Variants in SHANK2 observed in about 807,000 individuals in gnomAD.
The protein encoded by SHANK2 is SH3 and multiple ankyrin repeat domains protein 2.
Under a neutral mutation model 133.7 loss-of-function variants are expected in SHANK2, and 43 were observed. The observed-to-expected ratio is 0.32, with a 90% CI of 0.25 to 0.41. The LOEUF is 0.41. SHANK2 is among the 10% of genes least tolerant of loss of function. The pLI, the probability that SHANK2 is intolerant of heterozygous loss-of-function variation, is 1.00. For missense variants in SHANK2, 1,994 were observed against 2,235.8 expected (o/e 0.89, Z 2.18); for synonymous variants, 1,017 against 952.8 (o/e 1.07, Z -1.24).
chr11:71,101,936 G>C (rs1415382165), intron 6 of SHANK2, among the ~76,000 whole-genome samples: 1 of 152,202 alleles, frequency 6.6e-6, no homozygotes, highest in African/African-American at 2.4e-5. Flanking sequence ...TTCAGTAACT[G>C]AATCTCATCA....
chr11:70,910,434 G>C (rs1950174528), intron 10 of SHANK2, among the ~76,000 whole-genome samples: 1 of 152,166 alleles, frequency 6.6e-6, no homozygotes, highest in South Asian at 2.1e-4. Flanking sequence ...TGTCACAGAT[G>C]GACACACAGG....
chr11:70,795,316 C>T (rs1050439230), intron 14 of SHANK2, among the ~76,000 whole-genome samples: 12 of 152,042 alleles, frequency 7.9e-5, no homozygotes, highest in Admixed American at 1.3e-4. Context: ...AGAATTAAGG[C>T]GGCCCATCAG....
chr11:71,245,564 C>T (rs541941809), intron 1 of SHANK2, among the ~76,000 whole-genome samples: 36 of 152,194 alleles, frequency 2.4e-4, no homozygotes, highest in Non-Finnish European at 4.4e-4. Context: ...AACTGGTGTG[C>T]CACCCAGGAG....
At chr11:70,691,718 C>A (rs7926849) in intron 15 of SHANK2, among the ~76,000 whole-genome samples, 1 of 151,894 alleles carries the variant, frequency 6.6e-6, no homozygotes, top group Non-Finnish European at 1.5e-5. Context: ...ATGGTGAAAC[C>A]CCGTCTCTAC....
chr11:71,185,006 T>C (rs1250910568), intron 2 of SHANK2, among the ~76,000 whole-genome samples: 5 of 152,200 alleles, frequency 3.3e-5, no homozygotes, highest in Non-Finnish European at 7.3e-5. Context: ...TGCCCACAGC[T>C]GTCCCGTCTG....
intron 2 of SHANK2, among the ~76,000 whole-genome samples, chr11:71,194,883 C>T (rs1430424590): frequency 6.6e-6 from 1 of 152,158 alleles, no homozygotes; most frequent in African/African-American, 2.4e-5. Context: ...TGGGTCCCAG[C>T]GCTACATCCA....
chr11:70,509,458 C>G (rs1202046449), intron 17 of SHANK2, among the ~76,000 whole-genome samples: 1 of 152,210 alleles, frequency 6.6e-6, no homozygotes, highest in Non-Finnish European at 1.5e-5. Flanking sequence ...GGGCTCCCAG[C>G]ATGGAGCTCT....
chr11:70,778,091 T>G (rs1340471569), intron 14 of SHANK2, among the ~76,000 whole-genome samples: 1 of 152,176 alleles, frequency 6.6e-6, no homozygotes, highest in Admixed American at 6.5e-5. Flanking sequence ...TTACTGTCAA[T>G]GCCAACAGAG....
intron 11 of SHANK2, among the ~76,000 whole-genome samples, chr11:70,837,034 C>T (rs1226236967): frequency 1.3e-5 from 2 of 152,178 alleles, no homozygotes; most frequent in African/African-American, 4.8e-5. Context: ...CGTCTGCAAG[C>T]CAGGAAGGGA....
intron 3 of SHANK2, among the ~76,000 whole-genome samples, chr11:71,123,297 G>C (rs1952113397): frequency 6.6e-6 from 1 of 152,166 alleles, no homozygotes; most frequent in Non-Finnish European, 1.5e-5. Context: ...ACCAGCCTGA[G>C]GTCACCATTT....
Position 70,522,664 on chromosome 11 carries a change from G to A in SHANK2, c.2062-19733C>T, listed in dbSNP as rs782450789. Among the ~76,000 whole-genome samples, 5 of 151,938 alleles carry A rather than the reference G, an allele frequency of 3.3e-5. No homozygotes were observed. In the South Asian group the frequency reaches 8.3e-4, roughly 25 times the overall value. ...CCGGCTCCAGCTCCGCGGGCTGGCC[G>A]GCCACCTGCTCACACTGTCTAAGCT... On this transcript the variant is annotated intron_variant, in intron 17 of 25. Transcript: ENST00000601538.
chr11:70,862,280 C>G (rs1949271726), intron 11 of SHANK2, among the ~76,000 whole-genome samples: 1 of 152,198 alleles, frequency 6.6e-6, no homozygotes, highest in Non-Finnish European at 1.5e-5. Flanking sequence ...GTGTGTGACA[C>G]AATCTGATTT....
At chr11:70,574,107 C>A (rs2060085609) in intron 17 of SHANK2, among the ~76,000 whole-genome samples, 1 of 152,280 alleles carries the variant, frequency 6.6e-6, no homozygotes, top group African/African-American at 2.4e-5. Flanking sequence ...GAGAACTCGG[C>A]CAGTTCCTCT....
rs75905583 is a variant in SHANK2 at position 70,784,011 on chromosome 11, G to A, written c.1777+14432C>T. ...TGTGAGACACAGGGCAGGGGCCACT[G>A]GGGACAGGCTGGAAGTGGGAACAAG... On this transcript the variant is annotated intron_variant, in intron 14 of 25. Transcript: ENST00000601538. 7.8e-3 allele frequency among the ~76,000 whole-genome samples: 1,184 copies of A among 152,280 alleles called. 38 individuals are homozygous for A. The highest frequency in any genetic ancestry group is 0.051 in the East Asian group (264 of 5,156).
At chr11:70,741,577 C>T (rs923822128) in intron 14 of SHANK2, among the ~76,000 whole-genome samples, 32 of 152,222 alleles carry the variant, frequency 2.1e-4, no homozygotes, top group Admixed American at 9.2e-4. Context: ...ACTGCCTACT[C>T]ATTGTTCCCA....
chr11:70,777,519 T>TCCATCCATC (rs1947392433), intron 14 of SHANK2, among the ~76,000 whole-genome samples: 1 of 151,114 alleles, frequency 6.6e-6, no homozygotes, highest in Non-Finnish European at 1.5e-5. Context: ...ACCTATCCAT[T>TCCATCCATC]CATCCATCCA....
At chr11:70,590,192 T>C (rs932928022) in intron 17 of SHANK2, among the ~76,000 whole-genome samples, 4 of 151,918 alleles carry the variant, frequency 2.6e-5, no homozygotes, top group Admixed American at 6.6e-5. Context: ...AAAACAGAAG[T>C]GGAGCTGAAG....
chr11:70,482,224 G>T (rs906209863), intron 25 of SHANK2, among the ~76,000 whole-genome samples: 2 of 152,248 alleles, frequency 1.3e-5, no homozygotes, highest in African/African-American at 2.4e-5. Flanking sequence ...CCGGGAGCAA[G>T]AAGGGAACAG....
rs1357412631 is a variant in SHANK2, at chr11:70,739,838, G to A, written c.1778-41075C>T. Among the ~76,000 whole-genome samples the A allele has an allele frequency of 6.6e-6, 1 of 152,230 alleles. No homozygotes were observed. Among genetic ancestry groups the A allele is most frequent in the Non-Finnish European group, 1.5e-5 (1 of 68,042 alleles). ...AAGACAAGGAGAGCCAGACACACGA[G>A]GCACCAGGGAGGCACCCACAGAGGA... On this transcript the variant is annotated intron_variant, in intron 14 of 25. Transcript: ENST00000601538. This position sits in a 1 kb window ranked among gnomAD's most constrained non-coding sequence, Gnocchi z 4.3.
Sources: allele counts gnomAD v4.1 joint callset (sites outside exome capture counted in the v4.1 genomes callset), GRCh38; gene constraint gnomAD v4.1.1; non-coding constraint Gnocchi (gnomAD v3.1); transcripts MANE v1.5; gene names NCBI Gene and HGNC (gene_info 2026-07-23, HGNC 2026-07-21).